Variants in MICU2 observed in about 807,000 individuals in gnomAD.
MICU2 encodes mitochondrial calcium uptake 2.
In MICU2, 64 loss-of-function variants were observed where a neutral mutation model predicts 60.4. That is an observed-to-expected ratio of 1.06 (90% CI 0.87 to 1.31). MICU2 has a LOEUF of 1.31. Among genes scored for constraint, MICU2 ranks in the 50% most tolerant of loss-of-function variants. The probability of loss-of-function intolerance (pLI) is 0.00; values close to 1 mark genes in which losing one functional copy is unlikely to be tolerated. For missense variants in MICU2, 569 were observed against 531.0 expected, an observed-to-expected ratio of 1.07 and a Z score of -0.70; for synonymous variants, 201 against 175.0, an observed-to-expected ratio of 1.15 and a Z score of -1.17.
At chr13:21,562,966 G>A (rs945714920) in intron 2 of MICU2, among the ~76,000 whole-genome samples, 1 of 152,176 alleles carries the variant, frequency 6.6e-6, no homozygotes, top group Non-Finnish European at 1.5e-5. Context: ...GTCTGAGAAT[G>A]TATTTCTTTT....
chr13:21,509,185 T>C (rs957404909), intron 8 of MICU2, among the ~76,000 whole-genome samples: 1 of 152,228 alleles, frequency 6.6e-6, no homozygotes, highest in Admixed American at 6.5e-5. Context: ...TGTCTCACTA[T>C]GCATGGCATT....
intron 4 of MICU2, among the ~76,000 whole-genome samples, chr13:21,534,546 T>C (rs1194290036): frequency 2.6e-5 from 4 of 152,106 alleles, no homozygotes; most frequent in Non-Finnish European, 5.9e-5. Context: ...ACATAAATTA[T>C]TGAAAGTTTT....
At chr13:21,577,180 G>A (rs1380078721) in intron 1 of MICU2, among the ~76,000 whole-genome samples, 1 of 152,200 alleles carries the variant, frequency 6.6e-6, no homozygotes, top group African/African-American at 2.4e-5. Context: ...TCCTAAAACA[G>A]ATTTGACTTG....
intron 1 of MICU2, among the ~76,000 whole-genome samples, chr13:21,585,589 TAAAAG>T (rs1888437974): frequency 1.3e-5 from 2 of 152,126 alleles, no homozygotes; most frequent in South Asian, 4.1e-4. Context: ...CAGCTTGAAA[TAAAAG>T]AAAACAATGC....
intron 1 of MICU2, among the ~76,000 whole-genome samples, chr13:21,582,335 T>C (rs753728266): frequency 1.3e-5 from 2 of 152,188 alleles, no homozygotes; most frequent in African/African-American, 2.4e-5. Context: ...TCTCAAGTCA[T>C]CATAAGAAGA....
chr13:21,531,475 G>T (rs1175995689), intron 4 of MICU2, among the ~76,000 whole-genome samples: 1 of 152,186 alleles, frequency 6.6e-6, no homozygotes, highest in East Asian at 1.9e-4. Context: ...TGCTCCTTGG[G>T]TGCTGCTGCT....
intron 1 of MICU2, among the ~76,000 whole-genome samples, chr13:21,571,318 A>C (rs1888102422): frequency 6.6e-6 from 1 of 152,198 alleles, no homozygotes; most frequent in African/African-American, 2.4e-5. Context: ...AATAAACGTC[A>C]AGATATCAAA....
chr13:21,493,428 C>T (rs1885911991), intron 11 of MICU2, 75 bp from the exon 12 acceptor site: 2 of 1,013,584 alleles, frequency 2.0e-6, no homozygotes. Context: ...CTTTACGTTA[C>T]TGTTTATTTC....
intron 1 of MICU2, among the ~76,000 whole-genome samples, chr13:21,598,215 A>T (rs1387186590): frequency 3.3e-5 from 5 of 152,044 alleles, no homozygotes; most frequent in Admixed American, 1.3e-4. Context: ...GTTATGAATT[A>T]AAAAAAACTA....
chr13:21,534,894 G>C (rs1419213025), intron 4 of MICU2, among the ~76,000 whole-genome samples: 1 of 152,206 alleles, frequency 6.6e-6, no homozygotes. Context: ...TGACTTCATA[G>C]AGTAGGGTAG....
At chr13:21,571,425 C>CG (rs1397158592) in intron 1 of MICU2, among the ~76,000 whole-genome samples, 1 of 152,104 alleles carries the variant, frequency 6.6e-6, no homozygotes, top group African/African-American at 2.4e-5. Context: ...AGGCTGGGCA[C>CG]GGGGGCTCAC....
At chr13:21,592,950 C>T (rs1316638599) in intron 1 of MICU2, among the ~76,000 whole-genome samples, 2 of 152,170 alleles carry the variant, frequency 1.3e-5, no homozygotes, top group African/African-American at 2.4e-5. Flanking sequence ...CCTTTGAAAA[C>T]CAGTACAAGA....
chr13:21,568,132 C>A (rs1417031127), intron 1 of MICU2, among the ~76,000 whole-genome samples: 1 of 152,182 alleles, frequency 6.6e-6, no homozygotes, highest in African/African-American at 2.4e-5. Context: ...CTATAATACT[C>A]TCTGACACAC....
intron 2 of MICU2, among the ~76,000 whole-genome samples, chr13:21,556,489 C>T (rs140588795): frequency 3.9e-4 from 60 of 152,206 alleles, no homozygotes; most frequent in African/African-American, 1.3e-3. Flanking sequence ...TTAAATAGCA[C>T]GTATATATTG....
intron 4 of MICU2, among the ~76,000 whole-genome samples, chr13:21,534,371 A>G (rs1887083385): frequency 6.6e-6 from 1 of 151,990 alleles, no homozygotes; most frequent in Admixed American, 6.6e-5. Flanking sequence ...ATGTGCAGCT[A>G]ATTTTTTTAT....
At position 21,493,316 on chromosome 13, in the gene MICU2, C is replaced by T. The variant is rs1885907513; in HGVS notation, c.1238G>A (p.Cys413Tyr). The T allele has an allele frequency of 6.2e-7, 1 of 1,610,756 alleles. No homozygotes were observed. The highest frequency in any genetic ancestry group is 8.5e-7 in the Non-Finnish European group (1 of 1,178,760). ...TCCTTTAATGCTTTCTTTCTTCACA[C>T]ACTTCCAGTATTCTTGTATACTCTG... Reference protein sequence around the residue: ...QHQSIQEYWKCVKKESIKGVK... With the variant: ...QHQSIQEYWKYVKKESIKGVK... Residue 413 changes from cysteine (C) to tyrosine (Y), a missense_variant, in exon 12 of 12, where the codon TGT becomes TAT. Transcript: ENST00000382374.
intron 1 of MICU2, chr13:21,582,843 C>T (rs1389178227): frequency 1.3e-5 from 2 of 156,414 alleles, no homozygotes; most frequent in African/African-American, 4.8e-5. Context: ...GTAAGAACCC[C>T]TTCCCCTCCC....
At chr13:21,524,480 C>A (rs1163170046) in intron 4 of MICU2, among the ~76,000 whole-genome samples, 1 of 152,156 alleles carries the variant, frequency 6.6e-6, no homozygotes, top group Non-Finnish European at 1.5e-5. Flanking sequence ...AATTCCTTAA[C>A]ATCTTCAAAT....
intron 6 of MICU2, among the ~76,000 whole-genome samples, chr13:21,520,423 G>A (rs531132342): frequency 5.3e-5 from 8 of 152,096 alleles, no homozygotes; most frequent in South Asian, 2.1e-4. Flanking sequence ...TAAGAGGTTC[G>A]TTTGCTTCAT....
Sources: allele counts gnomAD v4.1 joint callset (sites outside exome capture counted in the v4.1 genomes callset), GRCh38; gene constraint gnomAD v4.1.1; transcripts MANE v1.5; gene names NCBI Gene and HGNC (gene_info 2026-07-23, HGNC 2026-07-21).